BRD7: variants seen among roughly 807,000 people sequenced by gnomAD.
The protein encoded by BRD7 is bromodomain containing 7, also known as bromodomain-containing protein 7.
In BRD7, 15 loss-of-function variants were observed where a neutral mutation model predicts 82.1. That is an observed-to-expected ratio of 0.18 (90% CI 0.12 to 0.28). The LOEUF (loss-of-function observed/expected upper bound fraction) is 0.28. BRD7 is among the 10% of genes least tolerant of loss of function. BRD7 has a pLI of 1.00. For synonymous variants in BRD7, 232 were observed against 266.9 expected (o/e 0.87, Z 1.27); for missense variants, 638 against 779.9 (o/e 0.82, Z 2.17).
chr16:50,354,822 G>A lies in BRD7; in HGVS notation c.359C>T (p.Pro120Leu), dbSNP rs2038670852. Residue 120 changes from proline to leucine, a missense_variant, in exon 3 of 17, where the codon CCT becomes CTT. Physicochemically the swap from Pro to Leu is moderately conservative, Grantham distance 98. Coordinates refer to ENST00000394688, the MANE Select transcript of BRD7 (RefSeq NM_013263.5). ...TTGTTTGGCTAAAGAGCTTGTGAGA[G>A]GCTTCTCAGGAGGCAAGTCTAATCT... Reference protein sequence around the residue: ...PVRLDLPPEKPLTSSLAKQEE... With the variant: ...PVRLDLPPEKLLTSSLAKQEE... The A allele has an allele frequency of 6.2e-7, 1 of 1,612,204 alleles. No homozygotes were observed. Among genetic ancestry groups the A allele is most frequent in the Non-Finnish European group, 8.5e-7 (1 of 1,179,876 alleles).
At chr16:50,349,202 C>T (rs926218170) in intron 5 of BRD7, 3 of 180,868 alleles carry the variant, frequency 1.7e-5, no homozygotes, top group South Asian at 1.9e-4. Flanking sequence ...ACAATGAGAA[C>T]ACCTGGACAC....
In BRD7 at chr16:50,352,412, T is replaced by A. The variant is rs980976818; in HGVS notation, c.446+2013A>T. ...AATGGTGGAATAATACTCCATTGTG[T>A]ATACATACCACATTTTAAAAAATGC... On this transcript the variant is annotated intron_variant, in intron 4 of 16. Transcript: ENST00000394688. 3.9e-5 allele frequency among the ~76,000 whole-genome samples: 6 copies of A among 152,234 alleles called. No homozygotes were observed. The East Asian group carries it at 1.2e-3, about 29-fold the overall frequency.
intron 4 of BRD7, among the ~76,000 whole-genome samples, chr16:50,352,622 C>T (rs913858197): frequency 1.3e-5 from 2 of 151,468 alleles, no homozygotes; most frequent in African/African-American, 4.9e-5. Flanking sequence ...AACTTGTTGT[C>T]CATAATGGCT....
At chr16:50,337,256 C>CT (rs71138063) in intron 6 of BRD7, among the ~76,000 whole-genome samples, 18,168 of 93,314 alleles carry the variant, frequency 0.19, 1,947 homozygotes, top group Admixed American at 0.27. Flanking sequence ...GTTCATTCTT[C>CT]TTTTTTTTTT....
intron 5 of BRD7, among the ~76,000 whole-genome samples, chr16:50,342,358 A>G (rs1010435647): frequency 2.0e-5 from 3 of 152,170 alleles, no homozygotes; most frequent in African/African-American, 4.8e-5. Flanking sequence ...AATATTACCT[A>G]TAAACTCAAC....
intron 2 of BRD7, among the ~76,000 whole-genome samples, chr16:50,367,406 C>CA (rs1227163370): frequency 6.6e-6 from 1 of 152,052 alleles, no homozygotes. Flanking sequence ...GTTTATTTTG[C>CA]AGAGGCAGGG....
At chr16:50,362,639 C>G (rs555105561) in intron 2 of BRD7, among the ~76,000 whole-genome samples, 143 of 152,278 alleles carry the variant, frequency 9.4e-4, no homozygotes, top group African/African-American at 3.4e-3. Flanking sequence ...CATTCCAACA[C>G]ACGCTACAAC....
chr16:50,354,786 T>C lies in BRD7; in HGVS notation c.388+7A>G. The C allele has an allele frequency of 6.2e-7, 1 of 1,610,426 alleles. No homozygotes were observed. The highest frequency in any genetic ancestry group is 8.5e-7 in the Non-Finnish European group (1 of 1,179,432). On this transcript the variant is annotated splice_region_variant and intron_variant, in intron 3 of 16. Coordinates refer to ENST00000394688, the MANE Select transcript of BRD7 (RefSeq NM_013263.5). Reference sequence around the variant, plus strand: ...ATTCAGGATAGTTAATTCAGAGTTATTCCAACCTTCTTGTTTGGCTAAAGA... The same window carrying C: ...ATTCAGGATAGTTAATTCAGAGTTACTCCAACCTTCTTGTTTGGCTAAAGA...
At chr16:50,324,985 A>T (rs971646768) in intron 11 of BRD7, among the ~76,000 whole-genome samples, 9 of 152,230 alleles carry the variant, frequency 5.9e-5, no homozygotes, top group Non-Finnish European at 1.3e-4. Context: ...ACACTTACTA[A>T]TGTAAAAGTG....
At chr16:50,364,590 G>A (rs947906137) in intron 2 of BRD7, among the ~76,000 whole-genome samples, 8 of 152,144 alleles carry the variant, frequency 5.3e-5, no homozygotes, top group Non-Finnish European at 1.2e-4. Context: ...AGGTTGCAAT[G>A]ACATCAAAAT....
At chr16:50,345,725 T>G (rs1363433627) in intron 5 of BRD7, among the ~76,000 whole-genome samples, 1 of 152,168 alleles carries the variant, frequency 6.6e-6, no homozygotes, top group Non-Finnish European at 1.5e-5. Flanking sequence ...CTAACTATCC[T>G]AAATATATAT....
At chr16:50,326,944 G>A (rs2037366231) in intron 9 of BRD7, among the ~76,000 whole-genome samples, 1 of 152,192 alleles carries the variant, frequency 6.6e-6, no homozygotes, top group Admixed American at 6.5e-5. Flanking sequence ...AAAGATGCTG[G>A]CAGGAGAAGA....
At position 50,320,172 on chromosome 16, in the gene BRD7, G is replaced by GTACTCTACA. The variant is rs1476622903; in HGVS notation, c.1756+75_1756+76insTGTAGAGTA. ...ATTCACATCAGCATTACTCTATAGT[G>GTACTCTACA]GCATCACCACTGTACTCAAGAAGTT... On this transcript the variant is annotated intron_variant, in intron 15 of 16. Transcript: ENST00000394688. 10 of 1,546,628 alleles carry GTACTCTACA rather than the reference G, an allele frequency of 6.5e-6. No individual in the cohort carries two copies. In the East Asian group the frequency reaches 1.6e-4, roughly 24 times the overall value.
At chr16:50,341,353 T>C (rs1442665474) in intron 5 of BRD7, among the ~76,000 whole-genome samples, 1 of 152,080 alleles carries the variant, frequency 6.6e-6, no homozygotes, top group Non-Finnish European at 1.5e-5. Context: ...CCATTAAGAA[T>C]TACTAGGCTG....
chr16:50,323,984 A>G (rs958369205), intron 11 of BRD7, among the ~76,000 whole-genome samples: 2 of 152,026 alleles, frequency 1.3e-5, no homozygotes, highest in Non-Finnish European at 1.5e-5. Context: ...TCCTGTCTGC[A>G]GTGATCACCT....
chr16:50,340,766 T>G (rs941579389), intron 5 of BRD7, among the ~76,000 whole-genome samples: 27 of 152,316 alleles, frequency 1.8e-4, no homozygotes, highest in Admixed American at 7.8e-4. Context: ...ACTGTCTTTT[T>G]GGCTTAAATT....
intron 12 of BRD7, among the ~76,000 whole-genome samples, chr16:50,323,232 G>C (rs2037193677): frequency 6.6e-6 from 1 of 152,224 alleles, no homozygotes; most frequent in African/African-American, 2.4e-5. Flanking sequence ...TACTGCACGA[G>C]GAAAAGCCAT....
chr16:50,350,842 T>G (rs1291750326), intron 4 of BRD7, among the ~76,000 whole-genome samples: 1 of 152,090 alleles, frequency 6.6e-6, no homozygotes, highest in Non-Finnish European at 1.5e-5. Flanking sequence ...AAAATTCCAA[T>G]GCGGGGAAGA....
Position 50,317,225 on chromosome 16 carries a change from T to G in BRD7, c.*1986A>C, listed in dbSNP as rs1041920978. Reference sequence around the variant, plus strand: ...GTGGAATCAGTATGAATAGAAGAACTTGCTGTATAAAGGAATTTCATGGCA... The same window carrying G: ...GTGGAATCAGTATGAATAGAAGAACGTGCTGTATAAAGGAATTTCATGGCA... On this transcript the variant is annotated 3_prime_UTR_variant, in exon 17 of 17. Transcript: ENST00000394688. The G allele has an allele frequency of 2.0e-5, 3 of 152,912 alleles. No individual in the cohort carries two copies. The highest frequency in any genetic ancestry group is 2.0e-4 in the Admixed American group (3 of 15,308). 9.5% of individuals were successfully genotyped at this position (152,912 alleles called of 1,614,324 possible). A position where few individuals can be genotyped will look rare whatever the true frequency, so the allele number is the denominator to read the frequency against.
Sources: allele counts gnomAD v4.1 joint callset (sites outside exome capture counted in the v4.1 genomes callset), GRCh38; gene constraint gnomAD v4.1.1; transcripts MANE v1.5; gene names NCBI Gene and HGNC (gene_info 2026-07-23, HGNC 2026-07-21).